Variants in CDK18 observed in about 807,000 individuals in gnomAD.
CDK18 encodes cyclin-dependent kinase 18.
Under a neutral mutation model 62.0 loss-of-function variants are expected in CDK18, and 52 were observed. The ratio of observed to expected loss-of-function variants is 0.84; its 90% CI spans 0.67 to 1.06. The LOEUF (loss-of-function observed/expected upper bound fraction) is 1.06, where lower values mean the gene tolerates loss of function less well. Among genes scored for constraint, CDK18 ranks in the 50% least tolerant of loss-of-function variants. The pLI, the probability that CDK18 is intolerant of heterozygous loss-of-function variation, is 0.00. For synonymous variants in CDK18, 237 were observed against 247.0 expected, an observed-to-expected ratio of 0.96 and a Z score of 0.38; for missense variants, 604 against 619.9, an observed-to-expected ratio of 0.97 and a Z score of 0.27.
In CDK18 at chr1:205,528,301, C is replaced by T; in HGVS notation, c.974+133C>T. 3.7e-6 allele frequency: 4 copies of T among 1,075,330 alleles called. No homozygotes were observed. The highest frequency in any genetic ancestry group is 4.0e-6 in the Non-Finnish European group (3 of 746,794). 66.6% of individuals were successfully genotyped at this position (1,075,330 alleles called of 1,614,324 possible). A position where few individuals can be genotyped will look rare whatever the true frequency, so the allele number is the denominator to read the frequency against. On this transcript the variant is annotated intron_variant, in intron 10 of 15. Coordinates refer to ENST00000429964, the MANE Select transcript of CDK18 (RefSeq NM_212502.3). This position sits in a 1 kb window ranked among gnomAD's most constrained non-coding sequence, Gnocchi z 4.2. The stretch of plus-strand genomic sequence containing the variant: ...TGCCTAAAAGCCTTGTGACATCCTG[C>T]TGAAATGGATGTTAAAAAATTAGGT...
chr1:205,509,337 C>T (rs558549423), intron 1 of CDK18, among the ~76,000 whole-genome samples: 1 of 152,246 alleles, frequency 6.6e-6, no homozygotes, highest in East Asian at 1.9e-4. Context: ...AAAGTCTTCC[C>T]TAGAAATGGT....
intron 1 of CDK18, among the ~76,000 whole-genome samples, chr1:205,514,275 C>T (rs1558769774): frequency 6.6e-6 from 1 of 152,268 alleles, no homozygotes; most frequent in African/African-American, 2.4e-5. Flanking sequence ...ATGAGTAGCA[C>T]GTTGTTGGTT....
chr1:205,526,085 C>G lies in CDK18; in HGVS notation c.477C>G (p.Phe159Leu), dbSNP rs1341951460. Residue 159 changes from phenylalanine to leucine, a missense_variant, in exon 6 of 16, where the codon TTC becomes TTG. Phe to Leu is a conservative substitution (Grantham distance 22, BLOSUM62 0). Transcript: ENST00000429964. ...KLGEGTYATV[F>L]KGRSKLTENL... The stretch of plus-strand genomic sequence containing the variant: ...CCCAGGGCACCTATGCCACAGTCTT[C>G]AAAGGGCGCAGCAAACTGACGGAGA... The G allele has an allele frequency of 1.2e-6, 2 of 1,613,460 alleles. No individual in the cohort carries two copies. Among genetic ancestry groups the G allele is most frequent in the Non-Finnish European group, 1.7e-6 (2 of 1,179,752 alleles).
At chr1:205,509,976 A>C (rs1443612128) in intron 1 of CDK18, among the ~76,000 whole-genome samples, 1 of 152,082 alleles carries the variant, frequency 6.6e-6, no homozygotes, top group African/African-American at 2.4e-5. Flanking sequence ...GCTACTCCAG[A>C]GGCTGAGGCA....
chr1:205,506,685 G>A (rs961835591), intron 1 of CDK18, among the ~76,000 whole-genome samples: 7 of 152,236 alleles, frequency 4.6e-5, no homozygotes, highest in Non-Finnish European at 1.0e-4. Context: ...AGCCCCTGCT[G>A]TTAACCCCTG....
At position 205,528,255 on chromosome 1, in the gene CDK18, G is replaced by A. The variant is rs1418219006; in HGVS notation, c.974+87G>A. 2 of 1,501,326 alleles carry A rather than the reference G, an allele frequency of 1.3e-6. No homozygotes were observed. Among genetic ancestry groups the A allele is most frequent in the African/African-American group, 1.4e-5 (1 of 72,116 alleles). 93.0% of individuals were successfully genotyped at this position (1,501,326 alleles called of 1,614,324 possible). A position where few individuals can be genotyped will look rare whatever the true frequency, so the allele number is the denominator to read the frequency against. Reference sequence around the variant, plus strand: ...CCTTTGCTTCCCCAAGGGCCTCGGGGAAGAACTGCCTAACTTCCTTTGCCT... The same window carrying A: ...CCTTTGCTTCCCCAAGGGCCTCGGGAAAGAACTGCCTAACTTCCTTTGCCT... On this transcript the variant is annotated intron_variant, in intron 10 of 15. Coordinates refer to ENST00000429964, the MANE Select transcript of CDK18 (RefSeq NM_212502.3). The surrounding 1 kb of genome is among the most constrained non-coding windows in gnomAD (Gnocchi z 4.2).
In CDK18 at chr1:205,531,638, A is replaced by AG. The variant is rs935600520; in HGVS notation, c.*268dup. 160 of 488,592 alleles carry AG rather than the reference A, an allele frequency of 3.3e-4. No individual in the cohort carries two copies. Among genetic ancestry groups the AG allele is most frequent in the Admixed American group, 4.2e-4 (12 of 28,860 alleles). The allele number at this position is 488,592 out of a possible 1,614,324, so 30.3% of individuals were successfully genotyped here. On this transcript the variant is annotated 3_prime_UTR_variant, in exon 16 of 16. Transcript: ENST00000429964. ...TAAGCTGCTTCCCTGAGAGGACATG[A>AG]GGGGGGGGCGGTCCTCGTACCCTCT...
At chr1:205,529,691 A>G in intron 13 of CDK18, 128 bp downstream of exon 13, 2 of 1,555,146 alleles carry the variant, frequency 1.3e-6, no homozygotes, top group Non-Finnish European at 1.7e-6. Context: ...TCTCCCCTGT[A>G]CTCTCCACCC....
At chr1:205,504,882 A>C (rs942002891) in intron 1 of CDK18, 86 bp downstream of exon 1, 1 of 152,302 alleles carries the variant, frequency 6.6e-6, no homozygotes, top group Non-Finnish European at 1.5e-5. Flanking sequence ...AGCAAAGGTA[A>C]GCGGAACGGC....
Position 205,527,502 on chromosome 1 carries a change from G to A in CDK18, c.730-292G>A. On this transcript the variant is annotated intron_variant, in intron 8 of 15. Transcript: ENST00000429964. This position sits in a 1 kb window ranked among gnomAD's most constrained non-coding sequence, Gnocchi z 4.1. ...TCTAAAAGAAAAAAAAAAAAAAAAG[G>A]GATCAAGCACATATGTCTCCACATA... is the stretch of plus-strand genomic sequence containing the variant. The A allele has an allele frequency of 6.8e-6, 2 of 295,898 alleles. 1 individual carries two copies. The highest frequency in any genetic ancestry group is 1.2e-4 in the South Asian group (2 of 17,100). The allele number at this position is 295,898 out of a possible 1,614,324, so 18.3% of individuals were successfully genotyped here. A position where few individuals can be genotyped will look rare whatever the true frequency, so the allele number is the denominator to read the frequency against.
chr1:205,512,697 A>G (rs75284395), intron 1 of CDK18, among the ~76,000 whole-genome samples: 1 of 152,166 alleles, frequency 6.6e-6, no homozygotes, highest in Non-Finnish European at 1.5e-5. Context: ...GCTTTTTTTA[A>G]GCTAGTCTCT....
In CDK18 at chr1:205,528,824, G is replaced by A. The variant is rs1575078046; in HGVS notation, c.975-175G>A. 2 of 496,276 alleles carry A rather than the reference G, an allele frequency of 4.0e-6. No homozygotes were observed. Among genetic ancestry groups the A allele is most frequent in the East Asian group, 6.2e-5 (2 of 32,504 alleles). The allele number at this position is 496,276 out of a possible 1,614,324, so 30.7% of individuals were successfully genotyped here. ...CAGGGAAGCCCCCCAGAGAGGGGCT[G>A]TAGTGGGGGCTGGGCAGTTCTAGGA... On this transcript the variant is annotated intron_variant, in intron 10 of 15. Transcript: ENST00000429964. This position sits in a 1 kb window ranked among gnomAD's most constrained non-coding sequence, Gnocchi z 4.2.
chr1:205,523,716 G>A, intron 3 of CDK18, 91 bp downstream of exon 3: 4 of 1,455,452 alleles, frequency 2.7e-6, no homozygotes, highest in Non-Finnish European at 3.7e-6. Context: ...GCCAGACTTT[G>A]TGAGTTCAAA....
chr1:205,508,288 G>A (rs1667407741), intron 1 of CDK18, among the ~76,000 whole-genome samples: 1 of 152,214 alleles, frequency 6.6e-6, no homozygotes, highest in African/African-American at 2.4e-5. Context: ...CAGGGGGTGG[G>A]AGCAGACCAA....
chr1:205,521,137 T>C (rs1212601781), intron 1 of CDK18, among the ~76,000 whole-genome samples: 1 of 152,238 alleles, frequency 6.6e-6, no homozygotes, highest in Non-Finnish European at 1.5e-5. Context: ...TTCTTGAGAA[T>C]GGGGACCACC....
chr1:205,530,020 C>T (rs1668658305), intron 13 of CDK18: 1 of 1,411,270 alleles, frequency 7.1e-7, no homozygotes, highest in African/African-American at 1.4e-5. Context: ...AAGAGAAGGT[C>T]ACTCTCCTGA....
chr1:205,530,532 C>T (rs41264895), intron 14 of CDK18, 96 bp from the exon 15 acceptor site: 291,341 of 1,252,284 alleles, frequency 0.23, 37,432 homozygotes, highest in Non-Finnish European at 0.27. Context: ...GGAAATGAGA[C>T]GCTGCCTCGA....
Position 205,523,314 on chromosome 1 carries a change from C to T in CDK18, c.130+17C>T, listed in dbSNP as rs370754957. The T allele has an allele frequency of 1.1e-5, 17 of 1,613,860 alleles. 1 individual carries two copies. In the African/African-American group the frequency reaches 2.3e-4, roughly 22 times the overall value. ...GGAATGAGAGTGAGGGGTCTGGGCC[C>T]ACCCAGCACCTCTCCCACCTACCAG... On this transcript the variant is annotated intron_variant, in intron 2 of 15. Coordinates refer to ENST00000429964, the MANE Select transcript of CDK18 (RefSeq NM_212502.3).
At chr1:205,529,847 T>A in intron 13 of CDK18, 7 of 1,344,588 alleles carry the variant, frequency 5.2e-6, no homozygotes, top group Non-Finnish European at 6.9e-6. Context: ...GATTAATACC[T>A]ATTTTATAAG....
Sources: gnomAD v4.1 joint callset for allele counts (sites outside exome capture counted in the v4.1 genomes callset) on GRCh38, gnomAD v4.1.1 for gene constraint, Gnocchi (gnomAD v3.1) non-coding constraint, MANE v1.5 for transcripts, NCBI Gene and HGNC (gene_info 2026-07-23, HGNC 2026-07-21) for gene names.